Variants in PPP4R1 observed in about 807,000 individuals in gnomAD.
PPP4R1 encodes the protein serine/threonine-protein phosphatase 4 regulatory subunit 1.
Under a neutral mutation model 111.2 loss-of-function variants are expected in PPP4R1, and 42 were observed. That is an observed-to-expected ratio of 0.38 (90% CI 0.29 to 0.49). The LOEUF (loss-of-function observed/expected upper bound fraction) is 0.49, where lower values mean the gene tolerates loss of function less well. PPP4R1 is among the 20% of genes least tolerant of loss of function. The probability of loss-of-function intolerance (pLI) is 0.97; values close to 1 mark genes in which losing one functional copy is unlikely to be tolerated. For missense variants in PPP4R1, 1,012 were observed against 1,161.6 expected (o/e 0.87, Z 1.87); for synonymous variants, 409 against 405.5 (o/e 1.01, Z -0.10).
At chr18:9,572,899 T>C (rs1482145499) in intron 10 of PPP4R1, among the ~76,000 whole-genome samples, 1 of 152,248 alleles carries the variant, frequency 6.6e-6, no homozygotes, top group Non-Finnish European at 1.5e-5. Context: ...TATAATACAA[T>C]TGTTTACAAG....
chr18:9,582,988 G>A, intron 9 of PPP4R1, 129 bp downstream of exon 9: 2 of 897,728 alleles, frequency 2.2e-6, no homozygotes, highest in Non-Finnish European at 3.1e-6. Context: ...TCTTTCTACT[G>A]TCTATTCCTA....
At chr18:9,591,090 G>GT (rs1436077071) in intron 4 of PPP4R1, among the ~76,000 whole-genome samples, 2 of 152,150 alleles carry the variant, frequency 1.3e-5, no homozygotes, top group Non-Finnish European at 2.9e-5. Flanking sequence ...GCTCATGTCT[G>GT]TAATACCAGC....
chr18:9,612,923 A>G (rs919880365), intron 2 of PPP4R1, among the ~76,000 whole-genome samples: 8 of 152,230 alleles, frequency 5.3e-5, no homozygotes, highest in Non-Finnish European at 1.2e-4. Flanking sequence ...CTCGTTTCAG[A>G]TAATCCATCT....
chr18:9,547,815 T>C lies in PPP4R1; in HGVS notation c.2827A>G (p.Met943Val), dbSNP rs1205050310. Residue 943 changes from methionine (M) to valine (V), a missense_variant, in exon 20 of 20, where the codon ATG becomes GTG. Physicochemically the swap from Met to Val is conservative, Grantham distance 21. Transcript: ENST00000400556. ...TAGTAGGTTGAGGACGCTGTGCTCA[T>C]GGCATCTTCGGAGATTTTGGTACTG... ...PASTKISEDA[M>V]STASSTY 3.7e-6 allele frequency: 6 copies of C among 1,613,346 alleles called. No homozygotes were observed. In the Middle Eastern group the frequency reaches 7.4e-4, roughly 199 times the overall value.
chr18:9,573,996 A>G (rs1213219321), intron 10 of PPP4R1, among the ~76,000 whole-genome samples: 1 of 152,204 alleles, frequency 6.6e-6, no homozygotes, highest in African/African-American at 2.4e-5. Context: ...TCGAAAGTAT[A>G]AATTCTCTAA....
At chr18:9,597,651 T>C (rs2067311737) in intron 2 of PPP4R1, among the ~76,000 whole-genome samples, 1 of 152,226 alleles carries the variant, frequency 6.6e-6, no homozygotes, top group South Asian at 2.1e-4. Context: ...TGGCAAATAA[T>C]TCTCCTGGTT....
In PPP4R1 at chr18:9,550,662, A is replaced by G; in HGVS notation, c.2292-264T>C. 1.7e-5 allele frequency: 7 copies of G among 403,836 alleles called. No homozygotes were observed. The South Asian group carries it at 1.9e-4, about 11-fold the overall frequency. The allele number at this position is 403,836 out of a possible 1,614,324, so 25.0% of individuals were successfully genotyped here. A position where few individuals can be genotyped will look rare whatever the true frequency, so the allele number is the denominator to read the frequency against. ...TCTGCATCCATGGGGACTGAGACAG[A>G]GCAAAGCACTTCCTAGTATGTTCAA... On this transcript the variant is annotated intron_variant, in intron 16 of 19. Coordinates refer to ENST00000400556, the MANE Select transcript of PPP4R1 (RefSeq NM_001042388.3).
At chr18:9,557,499 C>T (rs2066606261) in intron 14 of PPP4R1, 117 bp from the exon 15 acceptor site, 1 of 872,176 alleles carries the variant, frequency 1.1e-6, no homozygotes, top group South Asian at 2.6e-5. Context: ...AAAATTAAAT[C>T]AGAATAACAG....
Position 9,614,066 on chromosome 18 carries a change from C to T in PPP4R1, c.52+160G>A. 1 of 506,038 alleles carries T rather than the reference C, an allele frequency of 2.0e-6. No homozygotes were observed. Among genetic ancestry groups the T allele is most frequent in the Non-Finnish European group, 2.9e-6 (1 of 347,350 alleles). The allele number at this position is 506,038 out of a possible 1,614,324, so 31.3% of individuals were successfully genotyped here. A position where few individuals can be genotyped will look rare whatever the true frequency, so the allele number is the denominator to read the frequency against. ...CCTGGGCGCGCCGTTTCCTCACGGA[C>T]GCGAGATTTTCCCCCCCGATCGCCA... On this transcript the variant is annotated intron_variant, in intron 2 of 19. Coordinates refer to ENST00000400556, the MANE Select transcript of PPP4R1 (RefSeq NM_001042388.3). The surrounding 1 kb of genome is among the most constrained non-coding windows in gnomAD (Gnocchi z 4.1).
intron 11 of PPP4R1, among the ~76,000 whole-genome samples, chr18:9,567,656 T>C (rs917421706): frequency 6.6e-6 from 1 of 152,222 alleles, no homozygotes; most frequent in South Asian, 2.1e-4. Context: ...CATAAACCTA[T>C]TGATAAAGCA....
rs1291128488 is a variant in PPP4R1, at chr18:9,593,874, T to A, written c.189A>T (p.Arg63Ser). 6.2e-7 allele frequency: 1 copy of A among 1,612,712 alleles called. No homozygotes were observed. Among genetic ancestry groups the A allele is most frequent in the East Asian group, 2.2e-5 (1 of 44,878 alleles). Reference protein sequence around the residue: ...KYAASENIFNRQMVARSLLDT... With the variant: ...KYAASENIFNSQMVARSLLDT... ...CGAGCAAACTCCGGGCCACCATTTGTCTACACAAAAAAAACAAAATTATGT... is the reference window on the plus strand; with the variant it reads ...CGAGCAAACTCCGGGCCACCATTTGACTACACAAAAAAAACAAAATTATGT... Residue 63 changes from arginine (R) to serine (S), a missense_variant and splice_region_variant, in exon 4 of 20, where the codon AGA (arginine) becomes AGT (serine). Physicochemically the swap from Arg to Ser is moderately radical, Grantham distance 110. This residue lies in a region of PPP4R1 where 707 missense variants were observed against 742.1 expected (regional missense o/e 0.95). Transcript: ENST00000400556.
chr18:9,568,435 T>C (rs533727102), intron 11 of PPP4R1, among the ~76,000 whole-genome samples: 206 of 152,360 alleles, frequency 1.4e-3, no homozygotes, highest in African/African-American at 4.8e-3. Context: ...GTTATTTGTA[T>C]TGAAGTCTCT....
chr18:9,566,987 C>T (rs183843637), intron 11 of PPP4R1, among the ~76,000 whole-genome samples: 5 of 152,252 alleles, frequency 3.3e-5, no homozygotes, highest in African/African-American at 1.2e-4. Flanking sequence ...CATTCTGCAG[C>T]CCAAGGATCA....
At chr18:9,615,003 C>T (rs1485042347), upstream of PPP4R1, 2 of 152,240 alleles carry the variant, frequency 1.3e-5, no homozygotes, top group African/African-American at 4.8e-5. Context: ...CGCCCCATCC[C>T]CAGGCCTGCA....
rs1161392947 is a variant in PPP4R1, at chr18:9,553,296, T to C, written c.2291+26A>G. On this transcript the variant is annotated intron_variant, in intron 16 of 19. Transcript: ENST00000400556. ...AGTAAATATATACCCCTCCAAAACA[T>C]AATCTAATAAACTGTTAGAACTTAC... The C allele has an allele frequency of 8.7e-6, 13 of 1,496,664 alleles. No homozygotes were observed. The African/African-American group carries it at 1.5e-4, about 18-fold the overall frequency. 92.7% of individuals were successfully genotyped at this position (1,496,664 alleles called of 1,614,324 possible). A position where few individuals can be genotyped will look rare whatever the true frequency, so the allele number is the denominator to read the frequency against.
In PPP4R1 at chr18:9,550,265, G is replaced by T; in HGVS notation, c.2412+13C>A. On this transcript the variant is annotated intron_variant, in intron 17 of 19. Transcript: ENST00000400556. ...AGTTTGCTGATCTAAAATTTTAAAA[G>T]TTCAATACATACCAACTTGTAGGAA... is the stretch of plus-strand genomic sequence containing the variant. The T allele has an allele frequency of 6.2e-7, 1 of 1,613,874 alleles. No homozygotes were observed. Among genetic ancestry groups the T allele is most frequent in the African/African-American group, 1.3e-5 (1 of 74,972 alleles).
chr18:9,566,002 C>A (rs948183336), intron 11 of PPP4R1, among the ~76,000 whole-genome samples: 3 of 151,934 alleles, frequency 2.0e-5, no homozygotes, highest in Admixed American at 1.3e-4. Flanking sequence ...CCCCTGCATC[C>A]CGGGTTCTAG....
intron 9 of PPP4R1, among the ~76,000 whole-genome samples, chr18:9,578,438 T>C (rs985512860): frequency 6.6e-6 from 1 of 152,016 alleles, no homozygotes; most frequent in Non-Finnish European, 1.5e-5. Flanking sequence ...AAGTCCTTGC[T>C]ATGTTGCCCA....
intron 2 of PPP4R1, among the ~76,000 whole-genome samples, chr18:9,607,783 C>CT (rs59033925): frequency 0.015 from 1,869 of 125,304 alleles, 21 homozygotes; most frequent in Middle Eastern, 0.09. Context: ...TTCTTTCTTT[C>CT]TTTTTTTTTT....
Sources: allele counts gnomAD v4.1 joint callset (sites outside exome capture counted in the v4.1 genomes callset), GRCh38; gene constraint gnomAD v4.1.1; regional missense constraint gnomAD v4.1.1; non-coding constraint Gnocchi (gnomAD v3.1); transcripts MANE v1.5; gene names NCBI Gene and HGNC (gene_info 2026-07-23, HGNC 2026-07-21).